Variants in WDR27 observed in about 807,000 individuals in gnomAD.
WDR27 encodes the protein WD repeat domain 27.
In WDR27, 100 loss-of-function variants were observed where a neutral mutation model predicts 114.4. That is an observed-to-expected ratio of 0.87 (90% confidence interval 0.74 to 1.03). WDR27 has a LOEUF of 1.03. Among genes scored for constraint, WDR27 ranks in the 50% least tolerant of loss-of-function variants. The probability of loss-of-function intolerance (pLI) is 0.00; values close to 1 mark genes in which losing one functional copy is unlikely to be tolerated. For synonymous variants in WDR27, 449 were observed against 423.1 expected, an observed-to-expected ratio of 1.06 and a Z score of -0.75; for missense variants, 1,129 against 1,092.9, an observed-to-expected ratio of 1.03 and a Z score of -0.47.
At chr6:169,494,614 G>A (rs1192467020) in intron 25 of WDR27, among the ~76,000 whole-genome samples, 2 of 152,118 alleles carry the variant, frequency 1.3e-5, no homozygotes, top group Non-Finnish European at 2.9e-5. Flanking sequence ...TTGTTATGGG[G>A]TGCAAAACTG....
At chr6:169,677,907 C>G (rs1011531913) in intron 2 of WDR27, among the ~76,000 whole-genome samples, 1 of 152,212 alleles carries the variant, frequency 6.6e-6, no homozygotes, top group South Asian at 2.1e-4. Flanking sequence ...TGCGGGTGCA[C>G]AGAGTACAAG....
chr6:169,499,996 G>A (rs1229367214), intron 25 of WDR27, among the ~76,000 whole-genome samples: 1 of 152,180 alleles, frequency 6.6e-6, no homozygotes, highest in Admixed American at 6.5e-5. Flanking sequence ...CCAGCTGCTG[G>A]GTGCATACTT....
intron 17 of WDR27, among the ~76,000 whole-genome samples, chr6:169,640,894 A>G (rs369067822): frequency 4.6e-5 from 7 of 152,198 alleles, no homozygotes; most frequent in East Asian, 3.8e-4. Context: ...CTTCCTTCTT[A>G]GTGAGACTGA....
intron 24 of WDR27, among the ~76,000 whole-genome samples, chr6:169,577,551 G>A (rs1348134011): frequency 6.6e-6 from 1 of 152,188 alleles, no homozygotes; most frequent in Non-Finnish European, 1.5e-5. Flanking sequence ...GTGAGCAACG[G>A]GAGACGAACT....
chr6:169,662,272 T>C (rs1449351485), intron 9 of WDR27, 32 bp downstream of exon 9: 1 of 1,605,578 alleles, frequency 6.2e-7, no homozygotes, highest in South Asian at 1.1e-5. Context: ...AGGTTTCCTT[T>C]ATGTGGCATA....
chr6:169,519,295 A>G (rs1794058972), intron 25 of WDR27, among the ~76,000 whole-genome samples: 1 of 151,998 alleles, frequency 6.6e-6, no homozygotes, highest in South Asian at 2.1e-4. Context: ...TTCAGTACCA[A>G]TTTTCTGTGT....
At chr6:169,551,754 AAGAAAAAG>A in intron 25 of WDR27, among the ~76,000 whole-genome samples, 1 of 36,568 alleles carries the variant, frequency 2.7e-5, no homozygotes, top group Non-Finnish European at 1.4e-4. Flanking sequence ...AAAAAAAAAA[AAGAAAAAG>A]AAAAGAAAAG....
At position 169,595,684 on chromosome 6, in the gene WDR27, C is replaced by T. The variant is rs945447390; in HGVS notation, c.2424+6535G>A. 5.9e-5 allele frequency among the ~76,000 whole-genome samples: 9 copies of T among 152,058 alleles called. No homozygotes were observed. In the South Asian group the frequency reaches 1.5e-3, roughly 25 times the overall value. On this transcript the variant is annotated intron_variant, in intron 23 of 25. Transcript: ENST00000448612. Reference sequence around the variant, plus strand: ...AGAATATTTACAAAGTATTCTGGTACCTTCATTCCCATTTTTTATCTTACA... The same window carrying T: ...AGAATATTTACAAAGTATTCTGGTATCTTCATTCCCATTTTTTATCTTACA...
chr6:169,602,085 G>C, intron 23 of WDR27, 134 bp downstream of exon 23: 1 of 542,902 alleles, frequency 1.8e-6, no homozygotes, highest in African/African-American at 1.8e-5. Flanking sequence ...CTATTACTGT[G>C]TAAGAGTCTT....
rs185395195 is a variant in WDR27, at chr6:169,626,227, C to T, written c.2223+6720G>A. Reference sequence around the variant, plus strand: ...TGCAGGCCATAGGTGGGACAGAAGACGGCAGCGCTAGGCCTCCCACACCTG... The same window carrying T: ...TGCAGGCCATAGGTGGGACAGAAGATGGCAGCGCTAGGCCTCCCACACCTG... On this transcript the variant is annotated intron_variant, in intron 21 of 25. Transcript: ENST00000448612. 7.9e-3 allele frequency among the ~76,000 whole-genome samples: 1,199 copies of T among 152,284 alleles called. 2 individuals are homozygous for T. The highest frequency in any genetic ancestry group is 0.012 in the Non-Finnish European group (810 of 68,008).
intron 25 of WDR27, among the ~76,000 whole-genome samples, chr6:169,560,128 G>C (rs894491130): frequency 1.3e-5 from 2 of 152,110 alleles, no homozygotes; most frequent in Non-Finnish European, 1.5e-5. Flanking sequence ...AGTTGTGGGA[G>C]GGACCCAGGG....
At chr6:169,482,489 C>G (rs1390015428) in intron 25 of WDR27, among the ~76,000 whole-genome samples, 1 of 152,250 alleles carries the variant, frequency 6.6e-6, no homozygotes, top group East Asian at 1.9e-4. Flanking sequence ...CTCATTATGG[C>G]TTTGATTTGC....
intron 25 of WDR27, among the ~76,000 whole-genome samples, chr6:169,536,958 A>T (rs572312786): frequency 3.3e-5 from 5 of 152,208 alleles, no homozygotes; most frequent in Non-Finnish European, 7.3e-5. Flanking sequence ...TGACTCATGG[A>T]TCCATAGACC....
chr6:169,439,599 TA>T, the WDR27 span, among the ~76,000 whole-genome samples: 2 of 152,178 alleles, frequency 1.3e-5, no homozygotes, highest in African/African-American at 4.8e-5. Flanking sequence ...GAATAACTGA[TA>T]AAAATTATGA....
intron 25 of WDR27, among the ~76,000 whole-genome samples, chr6:169,500,874 G>T (rs974353946): frequency 5.9e-5 from 9 of 152,186 alleles, no homozygotes; most frequent in Non-Finnish European, 1.3e-4. Flanking sequence ...GCTAGCCCAG[G>T]GCCCCGTGCA....
chr6:169,701,993 G>A lies in WDR27; in HGVS notation c.-450C>T, dbSNP rs1483587972. 2 of 416,604 alleles carry A rather than the reference G, an allele frequency of 4.8e-6. No individual in the cohort carries two copies. Among genetic ancestry groups the A allele is most frequent in the African/African-American group, 4.1e-5 (2 of 49,318 alleles). The allele number at this position is 416,604 out of a possible 1,614,324, so 25.8% of individuals were successfully genotyped here. A position where few individuals can be genotyped will look rare whatever the true frequency, so the allele number is the denominator to read the frequency against. On this transcript the variant is annotated 5_prime_UTR_variant, in exon 1 of 26. Transcript: ENST00000448612. ...ACTCCGCCCCACGCTCGCCGCTATG[G>A]TTACTTGCCAGCCGACCCACGCGAG...
In WDR27 at chr6:169,503,466, TTCTGGGAAGAAA is replaced by T. The variant is rs575244612; in HGVS notation, c.2646-45844_2646-45833del. Among the ~76,000 whole-genome samples, 56 of 152,334 alleles carry T rather than the reference TTCTGGGAAGAAA, an allele frequency of 3.7e-4. 2 individuals carry two copies. In the South Asian group the frequency reaches 0.011, roughly 30 times the overall value. ...CCTCACCCGTACAATGTGTAAACATTTCTGGGAAGAAATAAGAGTGAAGGAGTTCAGGGAACA... is the reference window on the plus strand; with the variant it reads ...CCTCACCCGTACAATGTGTAAACATTTAAGAGTGAAGGAGTTCAGGGAACA... On this transcript the variant is annotated intron_variant, in intron 25 of 25. Coordinates refer to ENST00000448612, the MANE Select transcript of WDR27 (RefSeq NM_182552.5).
chr6:169,535,617 GC>G (rs1198456288), intron 25 of WDR27, among the ~76,000 whole-genome samples: 1 of 152,104 alleles, frequency 6.6e-6, no homozygotes, highest in East Asian at 1.9e-4. Context: ...ACTAACTGTT[GC>G]CCAGATGTAC....
intron 3 of WDR27, 135 bp from the exon 4 acceptor site, chr6:169,670,828 G>C: frequency 8.1e-7 from 1 of 1,234,260 alleles, no homozygotes; most frequent in Non-Finnish European, 1.1e-6. Context: ...ATGTGATTTT[G>C]ATTCTTTAAG....
Sources: allele counts gnomAD v4.1 joint callset (sites outside exome capture counted in the v4.1 genomes callset), GRCh38; gene constraint gnomAD v4.1.1; transcripts MANE v1.5; gene names NCBI Gene and HGNC (gene_info 2026-07-23, HGNC 2026-07-21).